ZNF215: variants seen among roughly 807,000 people sequenced by gnomAD.
The protein encoded by ZNF215 is BWSCR2-associated zinc finger protein 2.
ZNF215 carries 24 observed loss-of-function variants against 27.2 expected under a neutral mutation model. The observed-to-expected ratio is 0.88, with a 90% confidence interval of 0.64 to 1.24. The LOEUF is 1.24. ZNF215 is among the 50% of genes most tolerant of loss of function. The pLI is 0.00. For missense variants in ZNF215, 675 were observed against 605.7 expected (o/e 1.11, Z -1.20); for synonymous variants, 210 against 204.0 (o/e 1.03, Z -0.25).
intron 2 of ZNF215, among the ~76,000 whole-genome samples, chr11:6,928,301 T>C (rs1849130918): frequency 6.6e-6 from 1 of 152,212 alleles, no homozygotes; most frequent in African/African-American, 2.4e-5. Context: ...TATTACTTTT[T>C]TGACTTTATC....
downstream of ZNF215, among the ~76,000 whole-genome samples, chr11:6,989,222 A>T (rs1851093325): frequency 1.3e-5 from 2 of 152,222 alleles, no homozygotes; most frequent in East Asian, 3.9e-4. Flanking sequence ...AATAAAAGTA[A>T]TGGTAAAAAC....
intron 6 of ZNF215, among the ~76,000 whole-genome samples, 192 bp from the exon 7 acceptor site, chr11:6,955,493 CTATTT>C (rs1850295861): frequency 1.3e-5 from 2 of 152,096 alleles, no homozygotes; most frequent in African/African-American, 2.4e-5. Context: ...AATAGCTCTC[CTATTT>C]TATTTACTAA....
chr11:6,954,688 G>T, intron 6 of ZNF215, among the ~76,000 whole-genome samples: 1 of 152,308 alleles, frequency 6.6e-6, no homozygotes, highest in Middle Eastern at 3.4e-3. Flanking sequence ...TGCGCTTCCC[G>T]AGTGAAGCAA....
At chr11:6,933,001 G>T (rs557120366) in intron 3 of ZNF215, among the ~76,000 whole-genome samples, 1 of 152,288 alleles carries the variant, frequency 6.6e-6, no homozygotes, top group African/African-American at 2.4e-5. Flanking sequence ...TTTTCATTTT[G>T]TCTATGATTG....
At chr11:6,928,010 A>T (rs1271063487) in intron 2 of ZNF215, among the ~76,000 whole-genome samples, 1 of 152,124 alleles carries the variant, frequency 6.6e-6, no homozygotes, top group Non-Finnish European at 1.5e-5. Flanking sequence ...GATACTTTGC[A>T]GTTGTCCTTT....
intron 3 of ZNF215, among the ~76,000 whole-genome samples, chr11:6,933,559 G>A (rs113121597): frequency 9.2e-5 from 14 of 152,064 alleles, no homozygotes; most frequent in African/African-American, 2.9e-4. Context: ...AGGCCGAGGC[G>A]GGCAGATCAC....
chr11:6,963,419 A>G (rs530605446), intron 5 of ZNF215, among the ~76,000 whole-genome samples: 7 of 152,212 alleles, frequency 4.6e-5, no homozygotes, highest in African/African-American at 1.2e-4. Context: ...TAAAATTGCT[A>G]TTAAAATATG....
At chr11:6,950,947 T>G (rs1271343110) in intron 6 of ZNF215, among the ~76,000 whole-genome samples, 1 of 152,136 alleles carries the variant, frequency 6.6e-6, no homozygotes. Flanking sequence ...CATGAAGGGT[T>G]GTTGAATTTT....
At chr11:6,969,900 C>T (rs1412630230) in intron 5 of ZNF215, among the ~76,000 whole-genome samples, 2 of 152,156 alleles carry the variant, frequency 1.3e-5, no homozygotes, top group Admixed American at 1.3e-4. Flanking sequence ...CCTGCCTCAG[C>T]CTCCTGGGTA....
intron 5 of ZNF215, among the ~76,000 whole-genome samples, chr11:6,967,400 G>T (rs1316907503): frequency 6.6e-6 from 1 of 152,190 alleles, no homozygotes; most frequent in Non-Finnish European, 1.5e-5. Context: ...CACAATGGTT[G>T]AACTAATTTA....
chr11:6,981,551 T>G lies in ZNF215; in HGVS notation c.806-2578T>G, dbSNP rs901962120. ...TAGGTTGTGAAAATTTTCTCCCATT[T>G]TGTAGGTTGCCTGTTCACTCTGATG... On this transcript the variant is annotated intron_variant, in intron 5 of 5. Coordinates refer to the ZNF215 transcript ENST00000529903. Among the ~76,000 whole-genome samples, 10 of 152,144 alleles carry G rather than the reference T, an allele frequency of 6.6e-5. No individual in the cohort carries two copies. The East Asian group carries it at 1.7e-3, about 26-fold the overall frequency.
intron 5 of ZNF215, among the ~76,000 whole-genome samples, chr11:6,967,628 C>T (rs1029910876): frequency 6.6e-6 from 1 of 150,982 alleles, no homozygotes; most frequent in South Asian, 2.1e-4. Flanking sequence ...CTGTTGATAC[C>T]CTTTTGTTTG....
intron 3 of ZNF215, among the ~76,000 whole-genome samples, chr11:6,936,369 G>A (rs1849434489): frequency 6.6e-6 from 1 of 152,018 alleles, no homozygotes; most frequent in Non-Finnish European, 1.5e-5. Flanking sequence ...GCAATTAAAT[G>A]CCAACAAATT....
chr11:6,960,487 C>T (rs936687549), downstream of ZNF215, among the ~76,000 whole-genome samples: 4 of 152,134 alleles, frequency 2.6e-5, no homozygotes, highest in East Asian at 5.8e-4. Context: ...AGTCAAGAAC[C>T]ACCAGATTCC....
At chr11:6,979,575 G>C (rs918607493) in intron 5 of ZNF215, among the ~76,000 whole-genome samples, 1 of 151,996 alleles carries the variant, frequency 6.6e-6, no homozygotes, top group African/African-American at 2.4e-5. Flanking sequence ...ACAGTAATGA[G>C]TAATCAGTGC....
Position 6,956,681 on chromosome 11 carries a change from G to GAA in ZNF215, c.*152_*153dup. 1 of 1,391,606 alleles carries GAA rather than the reference G, an allele frequency of 7.2e-7. No individual in the cohort carries two copies. The highest frequency in any genetic ancestry group is 3.4e-5 in the Admixed American group (1 of 29,140). The allele number at this position is 1,391,606 out of a possible 1,614,324, so 86.2% of individuals were successfully genotyped here. A position where few individuals can be genotyped will look rare whatever the true frequency, so the allele number is the denominator to read the frequency against. ...GATATCACAGAATTAATGTTGGATA[G>GAA]AAATATCATTGGATAGAAATCTGTT... is the stretch of plus-strand genomic sequence containing the variant. On this transcript the variant is annotated 3_prime_UTR_variant, in exon 7 of 7. Coordinates refer to ENST00000278319, the MANE Select transcript of ZNF215 (RefSeq NM_013250.4).
Position 6,932,297 on chromosome 11 carries a change from G to A in ZNF215, c.25G>A (p.Ala9Thr), listed in dbSNP as rs1360759827. Residue 9 changes from alanine (A) to threonine (T), a missense_variant, in exon 3 of 7, where the codon GCT (alanine) becomes ACT (threonine). Coordinates refer to ENST00000278319, the MANE Select transcript of ZNF215 (RefSeq NM_013250.4). Reference protein sequence around the residue: MQPLSKLMAISKPRNLSLR... With the variant: MQPLSKLMTISKPRNLSLR... ...GATGCAGCCTCTGAGCAAGTTGATG[G>A]CTATCTCAAAACCTCGAAACCTGTC... The A allele has an allele frequency of 6.2e-7, 1 of 1,613,808 alleles. No homozygotes were observed. The highest frequency in any genetic ancestry group is 8.5e-7 in the Non-Finnish European group (1 of 1,179,980).
rs970576932 is a variant in ZNF215, at chr11:6,957,741, A to C, written c.*1210A>C. The C allele has an allele frequency of 4.1e-6, 4 of 985,260 alleles. No individual in the cohort carries two copies. The African/African-American group carries it at 7.0e-5, about 17-fold the overall frequency. The allele number at this position is 985,260 out of a possible 1,614,324, so 61.0% of individuals were successfully genotyped here. A position where few individuals can be genotyped will look rare whatever the true frequency, so the allele number is the denominator to read the frequency against. Reference sequence around the variant, plus strand: ...TATTGATGATGTTCAGTGCAGACTTACTGTACCTTTGGGAATTTAGGCTGG... The same window carrying C: ...TATTGATGATGTTCAGTGCAGACTTCCTGTACCTTTGGGAATTTAGGCTGG... On this transcript the variant is annotated 3_prime_UTR_variant, in exon 7 of 7. Coordinates refer to ENST00000278319, the MANE Select transcript of ZNF215 (RefSeq NM_013250.4).
At chr11:6,936,106 TAGAAAA>T (rs2133179832) in intron 3 of ZNF215, among the ~76,000 whole-genome samples, 1 of 151,884 alleles carries the variant, frequency 6.6e-6, no homozygotes, top group African/African-American at 2.4e-5. Context: ...CTGAAGGAAC[TAGAAAA>T]AGAAAACCTA....
Sources: gnomAD v4.1 joint callset for allele counts (sites outside exome capture counted in the v4.1 genomes callset) on GRCh38, gnomAD v4.1.1 for gene constraint, MANE v1.5 for transcripts, NCBI Gene and HGNC (gene_info 2026-07-23, HGNC 2026-07-21) for gene names.